ZNF516: variants seen among roughly 807,000 people sequenced by gnomAD.
The protein encoded by ZNF516 is zinc finger protein 516.
ZNF516 carries 19 observed loss-of-function variants against 79.7 expected under a neutral mutation model. The ratio of observed to expected loss-of-function variants is 0.24; its 90% CI spans 0.17 to 0.35. The LOEUF is 0.35. ZNF516 is among the 10% of genes least tolerant of loss of function. The pLI is 1.00. For missense variants in ZNF516, 1,678 were observed against 1,679.5 expected, an observed-to-expected ratio of 1.00 and a Z score of 0.02; for synonymous variants, 877 against 739.5, an observed-to-expected ratio of 1.19 and a Z score of -3.02.
At chr18:76,477,270 A>G (rs1914227895) in intron 1 of ZNF516, among the ~76,000 whole-genome samples, 1 of 152,204 alleles carries the variant, frequency 6.6e-6, no homozygotes, top group Non-Finnish European at 1.5e-5. Flanking sequence ...TTGTTTCAAT[A>G]TCATCTGACC....
intron 3 of ZNF516, among the ~76,000 whole-genome samples, chr18:76,425,659 T>C (rs2075582932): frequency 6.6e-6 from 1 of 152,230 alleles, no homozygotes; most frequent in South Asian, 2.1e-4. Flanking sequence ...GGTATGCTCA[T>C]GCAGATGACC....
At chr18:76,373,550 A>T (rs2074741373) in intron 4 of ZNF516, among the ~76,000 whole-genome samples, 1 of 152,228 alleles carries the variant, frequency 6.6e-6, no homozygotes, top group Non-Finnish European at 1.5e-5. Flanking sequence ...ACGACATGCA[A>T]TGTCATCTGT....
intron 2 of ZNF516, among the ~76,000 whole-genome samples, chr18:76,447,533 C>A (rs1251144025): frequency 1.3e-5 from 2 of 152,224 alleles, no homozygotes; most frequent in African/African-American, 4.8e-5. Context: ...CTGGAGATAA[C>A]CAGCCTTATA....
intron 3 of ZNF516, among the ~76,000 whole-genome samples, chr18:76,439,501 T>C (rs987707448): frequency 1.3e-5 from 2 of 152,232 alleles, no homozygotes; most frequent in Non-Finnish European, 2.9e-5. Flanking sequence ...CTGTATTAAC[T>C]TTCTCAAAAA....
chr18:76,482,957 A>G (rs1353489507), intron 1 of ZNF516, among the ~76,000 whole-genome samples: 1 of 152,218 alleles, frequency 6.6e-6, no homozygotes, highest in African/African-American at 2.4e-5. Flanking sequence ...ATCACCTAGT[A>G]TATAGGTTCG....
chr18:76,495,714 G>A (rs918717270), upstream of ZNF516: 2 of 1,189,466 alleles, frequency 1.7e-6, no homozygotes, highest in Non-Finnish European at 2.1e-6. Flanking sequence ...TCGGGATGCG[G>A]GTCCCGCCGG....
At chr18:76,443,714 G>A (rs577992092) in intron 2 of ZNF516, among the ~76,000 whole-genome samples, 6 of 152,180 alleles carry the variant, frequency 3.9e-5, no homozygotes, top group Admixed American at 1.3e-4. Flanking sequence ...AATGGGATAC[G>A]AGCTGAGAAA....
intron 3 of ZNF516, among the ~76,000 whole-genome samples, chr18:76,406,380 A>G (rs1390454023): frequency 6.6e-6 from 1 of 152,184 alleles, no homozygotes; most frequent in East Asian, 1.9e-4. Context: ...CCTGACCAAC[A>G]TGGTGAAACC....
At chr18:76,469,358 A>G (rs1913690472) in intron 1 of ZNF516, among the ~76,000 whole-genome samples, 1 of 152,234 alleles carries the variant, frequency 6.6e-6, no homozygotes, top group Non-Finnish European at 1.5e-5. Flanking sequence ...CTTTTTAAAA[A>G]TAAGTTTTAA....
chr18:76,417,866 AAG>A (rs2075452012), intron 3 of ZNF516, among the ~76,000 whole-genome samples: 2 of 152,224 alleles, frequency 1.3e-5, no homozygotes, highest in African/African-American at 2.4e-5. Flanking sequence ...CAAAATGCAA[AAG>A]AGTGTCACTT....
In ZNF516 at chr18:76,380,246, C is replaced by T. The variant is rs1479667627; in HGVS notation, c.1868G>A (p.Ser623Asn). The T allele has an allele frequency of 6.2e-7, 1 of 1,613,986 alleles. No homozygotes were observed. Among genetic ancestry groups the T allele is most frequent in the Non-Finnish European group, 8.5e-7 (1 of 1,179,902 alleles). The part of the protein sequence containing the change: ...SEEVTSTELS[S>N]GDQSHKMGDN... ...TCCCATCTTGTGACTCTGGTCTCCA[C>T]TGGAGAGCTCGGTCGAAGTCACCTC... The change falls in exon 4 of 7, where the codon AGT becomes AAT. Residue 623 changes from serine (S) to asparagine (N), a missense_variant. Physicochemically the swap from Ser to Asn is conservative, Grantham distance 46 (BLOSUM62 1). This residue lies in a region of ZNF516 where 1,294 missense variants were observed against 1,248.3 expected (regional missense o/e 1.04). Transcript: ENST00000443185.
At chr18:76,440,868 T>C (rs1296019817) in intron 3 of ZNF516, among the ~76,000 whole-genome samples, 2 of 152,140 alleles carry the variant, frequency 1.3e-5, no homozygotes, top group Admixed American at 6.5e-5. Flanking sequence ...TGCTCAGAAA[T>C]TAGGATTACA....
At chr18:76,478,388 C>G (rs1914297359) in intron 1 of ZNF516, among the ~76,000 whole-genome samples, 1 of 152,008 alleles carries the variant, frequency 6.6e-6, no homozygotes, top group Admixed American at 6.5e-5. Context: ...GTTTTGTAAA[C>G]TTGTTTATAT....
chr18:76,415,933 C>T (rs2094082694), intron 3 of ZNF516, among the ~76,000 whole-genome samples: 1 of 152,194 alleles, frequency 6.6e-6, no homozygotes, highest in Non-Finnish European at 1.5e-5. Flanking sequence ...TTCCAACTAC[C>T]AATTACCTCA....
intron 3 of ZNF516, among the ~76,000 whole-genome samples, chr18:76,433,009 G>A (rs1487511930): frequency 5.3e-5 from 8 of 152,138 alleles, no homozygotes; most frequent in Admixed American, 2.0e-4. Flanking sequence ...AGACCTGGCC[G>A]CACATCCTGA....
rs753884582 is a variant in ZNF516, at chr18:76,441,402, C to T, written c.1653G>A (p.Ala551=). Residue 551 remains alanine, a synonymous_variant, in exon 3 of 7, where the codon GCG becomes GCA. Transcript: ENST00000443185. ...RRERDSDGDR[A]ARARCGSLSE... is the part of the protein sequence containing the mutation. ...TGAGTGATCCGCAGCGGGCCCGCGC[C>T]GCCCTGTCCCCGTCACTGTCCCTCT... is the stretch of plus-strand genomic sequence containing the variant. 9.9e-6 allele frequency: 16 copies of T among 1,608,880 alleles called. No homozygotes were observed. The highest frequency in any genetic ancestry group is 1.2e-5 in the Non-Finnish European group (14 of 1,178,506).
At chr18:76,404,368 CAT>C (rs2075271968) in intron 3 of ZNF516, among the ~76,000 whole-genome samples, 1 of 151,864 alleles carries the variant, frequency 6.6e-6, no homozygotes, top group Non-Finnish European at 1.5e-5. Context: ...GTGTAATGTG[CAT>C]GTGTGTGAAC....
At position 76,368,393 on chromosome 18, in the gene ZNF516, G is replaced by A. The variant is rs146035073; in HGVS notation, c.3432+2135C>T. 4.8e-3 allele frequency among the ~76,000 whole-genome samples: 731 copies of A among 152,038 alleles called. 5 individuals are homozygous for A. The highest frequency in any genetic ancestry group is 0.017 in the African/African-American group (702 of 41,458). On this transcript the variant is annotated intron_variant, in intron 6 of 6. Coordinates refer to ENST00000443185, the MANE Select transcript of ZNF516 (RefSeq NM_014643.4). ...CTTTAAATGTAATGAAAGACAAAAA[G>A]TACCATCAGAGGCCATGAGCTCAGA...
intron 3 of ZNF516, among the ~76,000 whole-genome samples, chr18:76,396,395 C>T (rs779324331): frequency 2.0e-5 from 3 of 152,128 alleles, no homozygotes; most frequent in Non-Finnish European, 4.4e-5. Context: ...AGGAGCCCGA[C>T]GCTGTCTCAG....
Sources: gnomAD v4.1 joint callset for allele counts (sites outside exome capture counted in the v4.1 genomes callset) on GRCh38, gnomAD v4.1.1 for gene constraint, gnomAD v4.1.1 regional missense constraint, MANE v1.5 for transcripts, NCBI Gene and HGNC (gene_info 2026-07-23, HGNC 2026-07-21) for gene names.